KBTBD8: variants seen among roughly 807,000 people sequenced by gnomAD.
The protein encoded by KBTBD8 is kelch repeat and BTB domain containing 8.
Under a neutral mutation model 53.5 loss-of-function variants are expected in KBTBD8, and 31 were observed. The ratio of observed to expected loss-of-function variants is 0.58; its 90% CI spans 0.44 to 0.78. KBTBD8 has a LOEUF of 0.78. Ranked by LOEUF, KBTBD8 falls within the 30% of genes least tolerant of loss-of-function variation. The pLI, the probability that KBTBD8 is intolerant of heterozygous loss-of-function variation, is 0.00. For missense variants in KBTBD8, 642 were observed against 735.8 expected (o/e 0.87, Z 1.48); for synonymous variants, 250 against 247.3 (o/e 1.01, Z -0.10).
Position 67,009,257 on chromosome 3 carries a change from G to A in KBTBD8, c.*872G>A, listed in dbSNP as rs1702096534. 1 of 152,506 alleles carries A rather than the reference G, an allele frequency of 6.6e-6. No individual in the cohort carries two copies. The highest frequency in any genetic ancestry group is 1.5e-5 in the Non-Finnish European group (1 of 68,008). 9.4% of individuals were successfully genotyped at this position (152,506 alleles called of 1,614,324 possible). Reference sequence around the variant, plus strand: ...AGATTCTCTACTTATGTGATAGGAGGGTATGGCCAGTTATTCATCTAACTG... The same window carrying A: ...AGATTCTCTACTTATGTGATAGGAGAGTATGGCCAGTTATTCATCTAACTG... On this transcript the variant is annotated 3_prime_UTR_variant, in exon 4 of 4. Coordinates refer to ENST00000417314, the MANE Select transcript of KBTBD8 (RefSeq NM_032505.3).
Position 67,003,490 on chromosome 3 carries a change from A to C in KBTBD8, c.523A>C (p.Ile175Leu). 1 of 1,614,170 alleles carries C rather than the reference A, an allele frequency of 6.2e-7. No individual in the cohort carries two copies. The highest frequency in any genetic ancestry group is 1.1e-5 in the South Asian group (1 of 91,086). Residue 175 changes from isoleucine (I) to leucine (L), a missense_variant, in exon 3 of 4, where the codon ATT becomes CTT. Ile to Leu is a conservative substitution (Grantham distance 5, BLOSUM62 2). Coordinates refer to ENST00000417314, the MANE Select transcript of KBTBD8 (RefSeq NM_032505.3). ...QELGDRSKEYIRKKFLCVTKE... is the reference protein window; with the variant it reads ...QELGDRSKEYLRKKFLCVTKE... ...ACTCGGAGATCGATCAAAAGAATAC[A>C]TTCGTAAAAAGTTTCTGTGTGTCAC...
At chr3:67,006,144 C>G (rs1025911959) in intron 3 of KBTBD8, among the ~76,000 whole-genome samples, 1 of 152,046 alleles carries the variant, frequency 6.6e-6, no homozygotes, top group Admixed American at 6.6e-5. Flanking sequence ...ATGATCCGTC[C>G]AGTATACTTG....
At chr3:66,999,875 G>A (rs1283696403) in intron 2 of KBTBD8, among the ~76,000 whole-genome samples, 3 of 152,162 alleles carry the variant, frequency 2.0e-5, no homozygotes, top group Non-Finnish European at 4.4e-5. Context: ...TATGTTAAAC[G>A]AAGTTTTTGT....
At chr3:67,007,419 A>G (rs1010754042) in intron 3 of KBTBD8, among the ~76,000 whole-genome samples, 3 of 151,580 alleles carry the variant, frequency 2.0e-5, no homozygotes, top group Admixed American at 1.3e-4. Flanking sequence ...CCTGGGTTCA[A>G]GTGATTCTCC....
At position 67,009,212 on chromosome 3, in the gene KBTBD8, T is replaced by G. The variant is rs1330590785; in HGVS notation, c.*827T>G. 1 of 152,626 alleles carries G rather than the reference T, an allele frequency of 6.6e-6. No homozygotes were observed. The highest frequency in any genetic ancestry group is 1.5e-5 in the Non-Finnish European group (1 of 68,032). 9.5% of individuals were successfully genotyped at this position (152,626 alleles called of 1,614,324 possible). On this transcript the variant is annotated 3_prime_UTR_variant, in exon 4 of 4. Coordinates refer to ENST00000417314, the MANE Select transcript of KBTBD8 (RefSeq NM_032505.3). Reference sequence around the variant, plus strand: ...TTCATGGCCATAGTACTTTACCTGTTGAACTCTTGTGATTTCACAAGATTC... The same window carrying G: ...TTCATGGCCATAGTACTTTACCTGTGGAACTCTTGTGATTTCACAAGATTC...
chr3:66,999,790 G>A (rs1444371780), intron 2 of KBTBD8, among the ~76,000 whole-genome samples: 7 of 152,132 alleles, frequency 4.6e-5, no homozygotes. Flanking sequence ...AAATGCTATG[G>A]GGGTCAAAGC....
intron 2 of KBTBD8, among the ~76,000 whole-genome samples, chr3:67,000,155 A>G (rs893057168): frequency 1.3e-5 from 2 of 152,232 alleles, no homozygotes; most frequent in African/African-American, 4.8e-5. Flanking sequence ...TTCCAACAGT[A>G]GTTTCTGGTT....
intron 2 of KBTBD8, among the ~76,000 whole-genome samples, chr3:67,001,697 CA>C (rs1702020037): frequency 6.6e-6 from 1 of 151,990 alleles, no homozygotes; most frequent in Admixed American, 6.6e-5. Context: ...TTTTAGTCAT[CA>C]AAAAAGCCAG....
At chr3:66,999,229 C>A in intron 2 of KBTBD8, 38 bp downstream of exon 2, 1 of 1,490,166 alleles carries the variant, frequency 6.7e-7, no homozygotes, top group Non-Finnish European at 9.4e-7. Context: ...GTATCTGCAC[C>A]AAGCTCCCTT....
chr3:67,007,319 GTTTT>G (rs35767804), intron 3 of KBTBD8, among the ~76,000 whole-genome samples: 2 of 134,396 alleles, frequency 1.5e-5, no homozygotes, highest in Non-Finnish European at 1.6e-5. Flanking sequence ...TCAAGTTTGT[GTTTT>G]TTTTTTTTTT....
intron 2 of KBTBD8, among the ~76,000 whole-genome samples, chr3:67,001,114 T>G (rs2106755614): frequency 6.6e-6 from 1 of 152,278 alleles, no homozygotes; most frequent in Middle Eastern, 3.4e-3. Context: ...GAGTAAAAAA[T>G]ACTTGAGAAA....
Position 67,003,603 on chromosome 3 carries a change from T to C in KBTBD8, c.636T>C (p.His212=), listed in dbSNP as rs1242358502. 1 of 1,614,032 alleles carries C rather than the reference T, an allele frequency of 6.2e-7. No individual in the cohort carries two copies. The highest frequency in any genetic ancestry group is 1.7e-5 in the Admixed American group (1 of 60,030). ...ATTTAAATGTAGACCGAGAAGAGCA[T>C]GTTTATGAAAGCATTATAAGGTGGT... The part of the protein sequence containing the change: ...SDDLNVDREE[H]VYESIIRWFE... Residue 212 remains histidine, a synonymous_variant, in exon 3 of 4, where the codon CAT becomes CAC. Transcript: ENST00000417314.
intron 3 of KBTBD8, among the ~76,000 whole-genome samples, chr3:67,005,311 A>C (rs1702055535): frequency 6.6e-6 from 1 of 152,218 alleles, no homozygotes; most frequent in African/African-American, 2.4e-5. Flanking sequence ...TGTTTTGGTC[A>C]ATGATGGATC....
rs1430986399 is a variant in KBTBD8, at chr3:67,008,379, A to T, written c.1800A>T (p.Val600=). 1.2e-6 allele frequency: 2 copies of T among 1,600,558 alleles called. No individual in the cohort carries two copies. Among genetic ancestry groups the T allele is most frequent in the East Asian group, 4.5e-5 (2 of 44,640 alleles). Residue 600 remains valine, a synonymous_variant, in exon 4 of 4, where the codon GTA becomes GTT. Coordinates refer to ENST00000417314, the MANE Select transcript of KBTBD8 (RefSeq NM_032505.3). ...AKLYPQCLQK[V]L ...TGTATCCTCAGTGTCTTCAGAAAGTACTCTAAATGAGTAGCAGGCCTTAGT... is the reference window on the plus strand; with the variant it reads ...TGTATCCTCAGTGTCTTCAGAAAGTTCTCTAAATGAGTAGCAGGCCTTAGT...
intron 3 of KBTBD8, among the ~76,000 whole-genome samples, chr3:67,004,539 T>G (rs2106759406): frequency 6.6e-6 from 1 of 152,384 alleles, no homozygotes; most frequent in African/African-American, 2.4e-5. Flanking sequence ...TTTTTAATGA[T>G]TTTGTGTCTT....
intron 3 of KBTBD8, among the ~76,000 whole-genome samples, chr3:67,006,552 G>A (rs1490688865): frequency 1.3e-5 from 2 of 152,074 alleles, no homozygotes; most frequent in Admixed American, 6.6e-5. Flanking sequence ...CTTATTTATC[G>A]AGAATCCTGT....
Position 67,003,891 on chromosome 3 carries a change from T to G in KBTBD8, c.924T>G (p.Asp308Glu). 6.2e-7 allele frequency: 1 copy of G among 1,614,178 alleles called. No individual in the cohort carries two copies. The highest frequency in any genetic ancestry group is 8.5e-7 in the Non-Finnish European group (1 of 1,180,042). ...SGKKQTVPCL[D>E]IVTGRVFKLC... is the part of the protein sequence containing the mutation. ...AGAAGCAAACAGTGCCTTGTCTAGA[T>G]ATAGTCACAGGAAGGGTGTTTAAAC... The change falls in exon 3 of 4, where the codon GAT becomes GAG. Residue 308 changes from aspartate (D) to glutamate (E), a missense_variant. Asp to Glu is a conservative substitution (Grantham distance 45, BLOSUM62 2). Transcript: ENST00000417314.
In KBTBD8 at chr3:67,008,465, T is replaced by C; in HGVS notation, c.*80T>C. On this transcript the variant is annotated 3_prime_UTR_variant, in exon 4 of 4. Coordinates refer to ENST00000417314, the MANE Select transcript of KBTBD8 (RefSeq NM_032505.3). The stretch of plus-strand genomic sequence containing the variant: ...TTGATACAAAAGAGTGCTGACAGTA[T>C]TTCAGAAAGCTGAGAGAGTTTTATA... 9.9e-7 allele frequency: 1 copy of C among 1,007,324 alleles called. No individual in the cohort carries two copies. The highest frequency in any genetic ancestry group is 2.5e-5 in the Admixed American group (1 of 39,928). The allele number at this position is 1,007,324 out of a possible 1,614,324, so 62.4% of individuals were successfully genotyped here.
Position 67,011,113 on chromosome 3 carries a change from GT to G in KBTBD8, c.*2729del, listed in dbSNP as rs1702113006. 1 of 152,578 alleles carries G rather than the reference GT, an allele frequency of 6.6e-6. No homozygotes were observed. Among genetic ancestry groups the G allele is most frequent in the Non-Finnish European group, 1.5e-5 (1 of 68,028 alleles). 9.5% of individuals were successfully genotyped at this position (152,578 alleles called of 1,614,324 possible). ...GTACTGTAGTCCTGTGGGGGCAAAT[GT>G]GTAGATATTTTTAAACATTTTGCCA... On this transcript the variant is annotated 3_prime_UTR_variant, in exon 4 of 4. Transcript: ENST00000417314.
Sources: gnomAD v4.1 joint callset for allele counts (sites outside exome capture counted in the v4.1 genomes callset) on GRCh38, gnomAD v4.1.1 for gene constraint, MANE v1.5 for transcripts, NCBI Gene and HGNC (gene_info 2026-07-23, HGNC 2026-07-21) for gene names.